Variants in SIK3 observed in about 807,000 individuals in gnomAD.
The protein encoded by SIK3 is SIK family kinase 3, also known as serine/threonine-protein kinase SIK3.
Under a neutral mutation model 144.2 loss-of-function variants are expected in SIK3, and 28 were observed. The ratio of observed to expected loss-of-function variants is 0.19; its 90% CI spans 0.14 to 0.27. SIK3 has a LOEUF of 0.27. Ranked by LOEUF, SIK3 falls within the 10% of genes least tolerant of loss-of-function variation. The pLI is 1.00. For synonymous variants in SIK3, 686 were observed against 676.3 expected, an observed-to-expected ratio of 1.01 and a Z score of -0.22; for missense variants, 1,319 against 1,776.0, an observed-to-expected ratio of 0.74 and a Z score of 4.62.
At chr11:117,009,647 G>C (rs1951180578) in intron 1 of SIK3, among the ~76,000 whole-genome samples, 1 of 151,858 alleles carries the variant, frequency 6.6e-6, no homozygotes, top group Admixed American at 6.6e-5. Flanking sequence ...ACCATAAAAG[G>C]CACAATTACT....
intron 1 of SIK3, among the ~76,000 whole-genome samples, chr11:117,066,647 C>A (rs552609741): frequency 6.6e-6 from 1 of 152,088 alleles, no homozygotes; most frequent in East Asian, 1.9e-4. Flanking sequence ...GTGATCCCCC[C>A]ACCTTAAACT....
At chr11:116,997,268 A>G (rs1254959577) in intron 1 of SIK3, among the ~76,000 whole-genome samples, 1 of 152,202 alleles carries the variant, frequency 6.6e-6, no homozygotes, top group Non-Finnish European at 1.5e-5. Flanking sequence ...AACACTAGCT[A>G]TATACTCAGC....
At chr11:116,922,002 C>A (rs945346882) in intron 4 of SIK3, among the ~76,000 whole-genome samples, 1 of 152,008 alleles carries the variant, frequency 6.6e-6, no homozygotes, top group African/African-American at 2.4e-5. Context: ...AGACTCCTGC[C>A]TTAGCCTTGA....
intron 3 of SIK3, among the ~76,000 whole-genome samples, chr11:116,930,227 T>C (rs10790167): frequency 0.46 from 69,292 of 151,902 alleles, 19,180 homozygotes; most frequent in Non-Finnish European, 0.64. Flanking sequence ...CCTCAGCCTC[T>C]GCCCTGATTT....
At chr11:117,003,754 G>A (rs188500374) in intron 1 of SIK3, among the ~76,000 whole-genome samples, 1 of 151,872 alleles carries the variant, frequency 6.6e-6, no homozygotes, top group Non-Finnish European at 1.5e-5. Context: ...CTTTAGGTAG[G>A]GTCAACATCA....
At chr11:116,928,783 T>C (rs1163589943) in intron 3 of SIK3, among the ~76,000 whole-genome samples, 1 of 152,220 alleles carries the variant, frequency 6.6e-6, no homozygotes, top group Non-Finnish European at 1.5e-5. Flanking sequence ...TTTAAGAACA[T>C]ATCTTATATG....
chr11:116,962,051 G>A (rs1023647740), intron 1 of SIK3, among the ~76,000 whole-genome samples: 3 of 152,082 alleles, frequency 2.0e-5, no homozygotes, highest in African/African-American at 7.2e-5. Context: ...CATAGTGAAT[G>A]AAGCTGAAAA....
Position 116,875,241 on chromosome 11 carries a change from A to G in SIK3, c.1344T>C (p.Ser448=). 1 of 1,614,168 alleles carries G rather than the reference A, an allele frequency of 6.2e-7. No individual in the cohort carries two copies. Among genetic ancestry groups the G allele is most frequent in the Non-Finnish European group, 8.5e-7 (1 of 1,180,024 alleles). Residue 448 remains serine, a synonymous_variant, in exon 11 of 25, where the codon AGT becomes AGC. Transcript: ENST00000445177. ...CAGGGGAAGGCTCTTCACCCTCATC[A>G]CTGTCCAAATTCAGTGTCCCATCCG... The part of the protein sequence containing the change: ...VEPDGTLNLD[S]DEGEEPSPEA...
intron 7 of SIK3, among the ~76,000 whole-genome samples, chr11:116,876,722 T>C (rs942936792): frequency 1.3e-5 from 2 of 152,236 alleles, no homozygotes; most frequent in African/African-American, 2.4e-5. Flanking sequence ...TGGGGACACA[T>C]GGTAGGGAAC....
intron 4 of SIK3, among the ~76,000 whole-genome samples, chr11:116,902,045 T>C (rs890706810): frequency 6.6e-6 from 1 of 152,212 alleles, no homozygotes; most frequent in Non-Finnish European, 1.5e-5. Flanking sequence ...CCAGGTCCTT[T>C]TCCATGATCA....
At chr11:117,028,095 C>A (rs548538040) in intron 1 of SIK3, among the ~76,000 whole-genome samples, 1 of 151,966 alleles carries the variant, frequency 6.6e-6, no homozygotes, top group South Asian at 2.1e-4. Context: ...AATAGTATTA[C>A]TACTACTACT....
chr11:116,991,839 T>C (rs2135560338), intron 1 of SIK3, among the ~76,000 whole-genome samples: 1 of 152,286 alleles, frequency 6.6e-6, no homozygotes, highest in African/African-American at 2.4e-5. Context: ...ATTTTTTCAA[T>C]GCAGCCTTCT....
At position 116,867,982 on chromosome 11, in the gene SIK3, C is replaced by G; in HGVS notation, c.1916G>C (p.Arg639Pro). ...RQLGQQPFRS[R>P]VWPPHLVPDQ... Reference sequence around the variant, plus strand: ...AGGTACCAGGTGAGGAGGCCAGACCCGGGAACGGAAAGGCTGCTGTCCTAG... The same window carrying G: ...AGGTACCAGGTGAGGAGGCCAGACCGGGGAACGGAAAGGCTGCTGTCCTAG... Residue 639 changes from arginine to proline, a missense_variant, in exon 15 of 25, where the codon CGG (arginine) becomes CCG (proline). By Grantham distance (103) the Arg-to-Pro change is moderately radical. This residue lies in a region of SIK3 where 47 missense variants were observed against 40.2 expected (regional missense o/e 1.17). Coordinates refer to ENST00000445177, the MANE Select transcript of SIK3 (RefSeq NM_001366686.3). This position sits in a 1 kb window ranked among gnomAD's most constrained non-coding sequence, Gnocchi z 4.1. The G allele has an allele frequency of 6.5e-7, 1 of 1,549,810 alleles. No individual in the cohort carries two copies.
chr11:117,069,956 A>G (rs1434659576), intron 1 of SIK3, among the ~76,000 whole-genome samples: 1 of 152,244 alleles, frequency 6.6e-6, no homozygotes, highest in Non-Finnish European at 1.5e-5. Flanking sequence ...TTAAGTTATT[A>G]CATTCTCCGC....
chr11:117,041,649 CTT>C (rs1383997269), intron 1 of SIK3, among the ~76,000 whole-genome samples: 1 of 152,066 alleles, frequency 6.6e-6, no homozygotes, highest in African/African-American at 2.4e-5. Flanking sequence ...TTCAGAAAGA[CTT>C]TTCCAAGATC....
chr11:116,926,588 C>T (rs1010690892), intron 4 of SIK3, among the ~76,000 whole-genome samples: 6 of 152,180 alleles, frequency 3.9e-5, no homozygotes, highest in South Asian at 4.1e-4. Context: ...AGAGGGTATA[C>T]AATTTTAGTA....
At chr11:116,903,178 A>G (rs886472890) in intron 4 of SIK3, among the ~76,000 whole-genome samples, 4 of 152,234 alleles carry the variant, frequency 2.6e-5, no homozygotes, top group Admixed American at 1.3e-4. Context: ...CTTCCAATCA[A>G]TACTTCTGGG....
At chr11:116,965,752 T>TGGTGAAAACCCGTCTCTGCTAAA (rs1565507515) in intron 1 of SIK3, among the ~76,000 whole-genome samples, 6 of 20,116 alleles carry the variant, frequency 3.0e-4, no homozygotes, top group African/African-American at 7.1e-4. Context: ...TATATATATA[T>TGGTGAAAACCCGTCTCTGCTAAA]ATATATATAT....
chr11:116,932,358 C>T (rs989093558), intron 3 of SIK3, among the ~76,000 whole-genome samples: 5 of 152,154 alleles, frequency 3.3e-5, no homozygotes, highest in African/African-American at 1.2e-4. Context: ...CAGTTTCCGC[C>T]AATGGTTAAA....
Sources: gnomAD v4.1 joint callset for allele counts (sites outside exome capture counted in the v4.1 genomes callset) on GRCh38, gnomAD v4.1.1 for gene constraint, gnomAD v4.1.1 regional missense constraint, Gnocchi (gnomAD v3.1) non-coding constraint, MANE v1.5 for transcripts, NCBI Gene and HGNC (gene_info 2026-07-23, HGNC 2026-07-21) for gene names.